The following PTPRQ variants were observed in gnomAD, a reference collection of about 807,000 sequenced individuals.
PTPRQ encodes protein tyrosine phosphatase receptor type Q.
A neutral mutation model predicts 246.0 loss-of-function variants in PTPRQ; 199 were observed. The ratio of observed to expected loss-of-function variants is 0.81; its 90% CI spans 0.72 to 0.91. The LOEUF is 0.91. PTPRQ is among the 40% of genes least tolerant of loss of function. PTPRQ has a pLI of 0.00. For synonymous variants in PTPRQ, 869 were observed against 853.2 expected (o/e 1.02, Z -0.32); for missense variants, 2,624 against 2,528.4 (o/e 1.04, Z -0.81).
At position 80,618,109 on chromosome 12, in the gene PTPRQ, T is replaced by C. The variant is rs149056882; in HGVS notation, c.5231-1275T>C. 1.5e-4 allele frequency among the ~76,000 whole-genome samples: 22 copies of C among 151,390 alleles called. No homozygotes were observed. The East Asian group carries it at 2.7e-3, about 19-fold the overall frequency. ...TTCTCTTAGTACCCAAACTGATACA[T>C]TGAGTAAGAAATTTGCATTTGAATC... is the stretch of plus-strand genomic sequence containing the variant. On this transcript the variant is annotated intron_variant, in intron 30 of 44. Coordinates refer to ENST00000644991, the MANE Select transcript of PTPRQ (RefSeq NM_001145026.2).
intron 26 of PTPRQ, among the ~76,000 whole-genome samples, chr12:80,593,899 G>A (rs76319852): frequency 0.033 from 4,946 of 151,910 alleles, 109 homozygotes; most frequent in Middle Eastern, 0.052. Context: ...CATAATGTGC[G>A]TCTCCTATAG....
At chr12:80,592,473 T>TG in intron 26 of PTPRQ, among the ~76,000 whole-genome samples, 1 of 152,106 alleles carries the variant, frequency 6.6e-6, no homozygotes. Flanking sequence ...TGAGATTATA[T>TG]GGGGAACTGC....
At chr12:80,619,605 G>T (rs1264367755) in intron 31 of PTPRQ, 63 bp downstream of exon 31, 3 of 1,305,712 alleles carry the variant, frequency 2.3e-6, no homozygotes, top group South Asian at 2.8e-5. Flanking sequence ...GTGCTAAAAA[G>T]AATTTAGTTC....
At chr12:80,600,779 G>A (rs556725820) in intron 26 of PTPRQ, among the ~76,000 whole-genome samples, 23 of 151,848 alleles carry the variant, frequency 1.5e-4, no homozygotes, top group Non-Finnish European at 3.1e-4. Flanking sequence ...GTCTATCACA[G>A]CCCCTTCTAC....
chr12:80,593,882 G>A (rs1337479613), intron 26 of PTPRQ, among the ~76,000 whole-genome samples: 1 of 151,698 alleles, frequency 6.6e-6, no homozygotes, highest in Admixed American at 6.6e-5. Context: ...AAATGGAATG[G>A]GACTCTCATA....
chr12:80,486,381 T>A (rs1263149163), intron 9 of PTPRQ, among the ~76,000 whole-genome samples: 1 of 152,178 alleles, frequency 6.6e-6, no homozygotes, highest in Non-Finnish European at 1.5e-5. Flanking sequence ...TCAGACTCAT[T>A]TCTGATATTT....
intron 25 of PTPRQ, among the ~76,000 whole-genome samples, chr12:80,585,584 T>C (rs1897585485): frequency 6.6e-6 from 1 of 152,176 alleles, no homozygotes; most frequent in Non-Finnish European, 1.5e-5. Context: ...TGGTAGCTTG[T>C]ACCAGTCACT....
intron 8 of PTPRQ, among the ~76,000 whole-genome samples, chr12:80,481,692 C>T (rs1250235948): frequency 2.0e-5 from 3 of 151,908 alleles, no homozygotes; most frequent in South Asian, 2.1e-4. Context: ...GGATACAAAA[C>T]CAATGTACAA....
intron 16 of PTPRQ, among the ~76,000 whole-genome samples, chr12:80,508,061 C>A (rs1007330150): frequency 9.9e-5 from 15 of 151,964 alleles, no homozygotes; most frequent in African/African-American, 3.6e-4. Context: ...CGTTTTACCA[C>A]TCAAGTCAAT....
At chr12:80,653,401 A>C (rs534611028) in intron 38 of PTPRQ, among the ~76,000 whole-genome samples, 1 of 152,312 alleles carries the variant, frequency 6.6e-6, no homozygotes, top group South Asian at 2.1e-4. Context: ...ATGTGAAAGG[A>C]AAATAGGACA....
chr12:80,447,197 T>A (rs1192091803), intron 3 of PTPRQ, among the ~76,000 whole-genome samples: 2 of 152,122 alleles, frequency 1.3e-5, no homozygotes, highest in Non-Finnish European at 2.9e-5. Flanking sequence ...GCCACTTGTG[T>A]GTCTTCTTTT....
chr12:80,491,187 C>A (rs1345141999), intron 9 of PTPRQ, among the ~76,000 whole-genome samples: 1 of 151,926 alleles, frequency 6.6e-6, no homozygotes, highest in Non-Finnish European at 1.5e-5. Context: ...ATTTGTCTGA[C>A]ATGGGATAGA....
chr12:80,565,636 G>A (rs188554273), intron 25 of PTPRQ, among the ~76,000 whole-genome samples: 5 of 152,162 alleles, frequency 3.3e-5, no homozygotes, highest in Non-Finnish European at 7.4e-5. Context: ...GATTATAAAC[G>A]TCATGGAAAA....
At chr12:80,504,367 G>C (rs190137162) in intron 14 of PTPRQ, among the ~76,000 whole-genome samples, 9 of 151,532 alleles carry the variant, frequency 5.9e-5, no homozygotes, top group Admixed American at 5.3e-4. Flanking sequence ...AACTTGCTTG[G>C]TTATTTAATA....
intron 35 of PTPRQ, among the ~76,000 whole-genome samples, chr12:80,638,137 G>T (rs370925904): frequency 6.6e-6 from 1 of 151,668 alleles, no homozygotes. Flanking sequence ...GCATGGTGGC[G>T]CATGCCTGTA....
intron 3 of PTPRQ, among the ~76,000 whole-genome samples, chr12:80,448,988 C>A (rs1029548921): frequency 2.6e-5 from 4 of 151,462 alleles, no homozygotes; most frequent in African/African-American, 9.7e-5. Context: ...TACAGTCCCA[C>A]CAACAGTGTA....
At chr12:80,454,552 T>C in intron 3 of PTPRQ, 1 of 702,458 alleles carries the variant, frequency 1.4e-6, no homozygotes, top group Non-Finnish European at 2.6e-6. Context: ...TTGCATTTCT[T>C]AGGGATAATC....
intron 18 of PTPRQ, 92 bp downstream of exon 18, chr12:80,534,267 G>C: frequency 7.9e-7 from 1 of 1,273,824 alleles, no homozygotes; most frequent in South Asian, 1.9e-5. Flanking sequence ...CAAAATGTAT[G>C]ATGAAGCCTA....
chr12:80,641,919 C>T (rs1227121759), intron 35 of PTPRQ, among the ~76,000 whole-genome samples: 1 of 151,466 alleles, frequency 6.6e-6, no homozygotes, highest in Non-Finnish European at 1.5e-5. Flanking sequence ...TTCTCTCCCT[C>T]CTTCCCTCTC....
Sources: allele counts gnomAD v4.1 joint callset (sites outside exome capture counted in the v4.1 genomes callset), GRCh38; gene constraint gnomAD v4.1.1; transcripts MANE v1.5; gene names NCBI Gene and HGNC (gene_info 2026-07-23, HGNC 2026-07-21).